Variants in GPC5 observed in about 807,000 individuals in gnomAD.
GPC5 encodes the protein glypican-5.
GPC5 carries 47 observed loss-of-function variants against 53.9 expected under a neutral mutation model. The observed-to-expected ratio is 0.87, with a 90% CI of 0.69 to 1.11. GPC5 has a LOEUF of 1.11. GPC5 is among the 50% of genes most tolerant of loss of function. GPC5 has a pLI of 0.00. For synonymous variants in GPC5, 286 were observed against 263.3 expected, an observed-to-expected ratio of 1.09 and a Z score of -0.84; for missense variants, 748 against 713.1, an observed-to-expected ratio of 1.05 and a Z score of -0.56.
intron 6 of GPC5, among the ~76,000 whole-genome samples, chr13:92,109,311 C>A (rs1214106711): frequency 2.6e-5 from 4 of 152,030 alleles, no homozygotes; most frequent in African/African-American, 7.2e-5. Context: ...AAGTCATCTG[C>A]CTACTTTGGC....
chr13:92,632,145 G>A (rs1885259664), intron 7 of GPC5, among the ~76,000 whole-genome samples: 1 of 152,074 alleles, frequency 6.6e-6, no homozygotes, highest in African/African-American at 2.4e-5. Context: ...AACAGAAGAT[G>A]ACAAAAGCAT....
chr13:92,737,803 G>A (rs1449307795), intron 7 of GPC5, among the ~76,000 whole-genome samples: 1 of 66,286 alleles, frequency 1.5e-5, no homozygotes, highest in Non-Finnish European at 2.7e-5. Context: ...TTTCACTCTT[G>A]TTGCCCAGGC....
chr13:91,897,512 A>G (rs1594649051), intron 5 of GPC5, among the ~76,000 whole-genome samples: 1 of 152,166 alleles, frequency 6.6e-6, no homozygotes, highest in African/African-American at 2.4e-5. Context: ...AATGAAAGCT[A>G]CAAAAATCAG....
intron 7 of GPC5, among the ~76,000 whole-genome samples, chr13:92,689,119 C>G (rs1887320025): frequency 2.0e-4 from 1 of 4,884 alleles, no homozygotes; most frequent in African/African-American, 3.4e-4. Flanking sequence ...CCTGGGTATC[C>G]TTGTTGACTT....
At chr13:92,328,705 G>A (rs960255570) in intron 7 of GPC5, among the ~76,000 whole-genome samples, 6 of 152,080 alleles carry the variant, frequency 3.9e-5, no homozygotes, top group African/African-American at 9.7e-5. Context: ...AAAGAAAAAC[G>A]TTAATCAAAA....
At chr13:92,739,230 T>C (rs1038283391) in intron 7 of GPC5, among the ~76,000 whole-genome samples, 3 of 152,130 alleles carry the variant, frequency 2.0e-5, no homozygotes, top group East Asian at 3.9e-4. Flanking sequence ...AGAGTATTCA[T>C]TGTCCATTTT....
intron 7 of GPC5, among the ~76,000 whole-genome samples, chr13:92,570,943 T>C (rs1261695506): frequency 1.3e-5 from 2 of 152,152 alleles, no homozygotes; most frequent in African/African-American, 2.4e-5. Flanking sequence ...AAAAGCCACA[T>C]AGCTGGCGAG....
chr13:91,576,321 G>GTGTA (rs1555326484), intron 2 of GPC5, among the ~76,000 whole-genome samples: 6 of 115,758 alleles, frequency 5.2e-5, no homozygotes, highest in Non-Finnish European at 9.8e-5. Context: ...TACACAATGT[G>GTGTA]TATATATATA....
At chr13:91,461,636 A>C (rs1368954878) in intron 2 of GPC5, among the ~76,000 whole-genome samples, 1 of 152,190 alleles carries the variant, frequency 6.6e-6, no homozygotes, top group East Asian at 1.9e-4. Context: ...TGAACACTCA[A>C]CATATATTAG....
At chr13:92,114,514 G>T (rs973896673) in intron 6 of GPC5, among the ~76,000 whole-genome samples, 1 of 152,084 alleles carries the variant, frequency 6.6e-6, no homozygotes, top group Non-Finnish European at 1.5e-5. Context: ...GATGAATGGC[G>T]GCAAATAAAT....
At chr13:92,023,122 A>G (rs888027756) in intron 6 of GPC5, among the ~76,000 whole-genome samples, 5 of 152,076 alleles carry the variant, frequency 3.3e-5, no homozygotes, top group African/African-American at 1.2e-4. Flanking sequence ...AAGTGATGAC[A>G]GTGTTAAGTT....
intron 7 of GPC5, among the ~76,000 whole-genome samples, chr13:92,724,839 T>A (rs1888593117): frequency 6.7e-6 from 1 of 149,184 alleles, no homozygotes; most frequent in African/African-American, 2.5e-5. Flanking sequence ...ATTTAAAGAT[T>A]TCTTAAAAGG....
chr13:91,902,829 A>G (rs1253352837), intron 5 of GPC5, among the ~76,000 whole-genome samples: 1 of 152,014 alleles, frequency 6.6e-6, no homozygotes, highest in Non-Finnish European at 1.5e-5. Context: ...ATCCTAAAGT[A>G]CTCACTTAAT....
In GPC5 at chr13:92,385,493, T is replaced by TAC. The variant is rs1566567701; in HGVS notation, c.1561+240505_1561+240506insCA. Among the ~76,000 whole-genome samples the TAC allele has an allele frequency of 9.4e-5, 13 of 137,956 alleles. 2 individuals are homozygous for TAC. The highest frequency in any genetic ancestry group is 2.4e-4 in the African/African-American group (9 of 37,410). The allele number at this position is 137,956 out of a possible 152,430, so 90.5% of individuals were successfully genotyped here. On this transcript the variant is annotated intron_variant, in intron 7 of 7. Coordinates refer to ENST00000377067, the MANE Select transcript of GPC5 (RefSeq NM_004466.6). ...ATACATATATACATATATACACATA[T>TAC]ATACATACATATACATATATACATA...
At chr13:92,617,870 T>G (rs969953553) in intron 7 of GPC5, among the ~76,000 whole-genome samples, 2 of 152,188 alleles carry the variant, frequency 1.3e-5, no homozygotes, top group African/African-American at 4.8e-5. Context: ...AGTTTCAAGG[T>G]ACATGTGCAC....
chr13:91,874,940 T>A (rs1420085521), intron 5 of GPC5, among the ~76,000 whole-genome samples: 1 of 152,204 alleles, frequency 6.6e-6, no homozygotes, highest in Admixed American at 6.5e-5. Flanking sequence ...ATTGAGTGTA[T>A]GCCCCTTTGA....
chr13:91,854,512 A>G (rs1015249979), intron 5 of GPC5, among the ~76,000 whole-genome samples: 5 of 151,650 alleles, frequency 3.3e-5, no homozygotes, highest in African/African-American at 1.2e-4. Flanking sequence ...TTTTGGACCC[A>G]TTAAACATTC....
intron 7 of GPC5, among the ~76,000 whole-genome samples, chr13:92,364,535 C>T (rs2043593028): frequency 6.6e-6 from 1 of 151,624 alleles, no homozygotes; most frequent in Admixed American, 6.6e-5. Flanking sequence ...TAGAGACCAT[C>T]CTGGCTAACA....
rs1203003835 is a variant in GPC5 at position 92,366,290 on chromosome 13, G to A, written c.1561+221301G>A. On this transcript the variant is annotated intron_variant, in intron 7 of 7. Coordinates refer to ENST00000377067, the MANE Select transcript of GPC5 (RefSeq NM_004466.6). Reference sequence around the variant, plus strand: ...TTCATTAAAAATAACATTTGTAGCAGCAAGATTCTCTGTATTCTAATTCTG... The same window carrying A: ...TTCATTAAAAATAACATTTGTAGCAACAAGATTCTCTGTATTCTAATTCTG... 1.9e-4 allele frequency among the ~76,000 whole-genome samples: 29 copies of A among 151,720 alleles called. 1 individual carries two copies. The highest frequency in any genetic ancestry group is 1.9e-3 in the Admixed American group (29 of 15,264).
Sources: allele counts gnomAD v4.1 joint callset (sites outside exome capture counted in the v4.1 genomes callset), GRCh38; gene constraint gnomAD v4.1.1; transcripts MANE v1.5; gene names NCBI Gene and HGNC (gene_info 2026-07-23, HGNC 2026-07-21).